The following ABCG8 variants were observed in gnomAD, a reference collection of about 807,000 sequenced individuals.
The protein encoded by ABCG8 is ATP-binding cassette sub-family G member 8.
A neutral mutation model predicts 71.3 loss-of-function variants in ABCG8; 81 were observed. That is an observed-to-expected ratio of 1.14 (90% CI 0.95 to 1.37). The LOEUF is 1.37. Among genes scored for constraint, ABCG8 ranks in the 40% most tolerant of loss-of-function variants. ABCG8 has a pLI of 0.00. For synonymous variants in ABCG8, 451 were observed against 354.7 expected (o/e 1.27, Z -3.05); for missense variants, 1,119 against 866.2 (o/e 1.29, Z -3.66).
intron 11 of ABCG8, among the ~76,000 whole-genome samples, chr2:43,876,491 A>G (rs1669962636): frequency 6.6e-6 from 1 of 151,958 alleles, no homozygotes; most frequent in Non-Finnish European, 1.5e-5. Context: ...GACCATGAGA[A>G]TAGGAGGAGA....
chr2:43,851,192 AGTTAT>A (rs368303279), intron 3 of ABCG8, among the ~76,000 whole-genome samples: 4 of 152,336 alleles, frequency 2.6e-5, no homozygotes, highest in African/African-American at 7.2e-5. Flanking sequence ...AGCCAAAAAT[AGTTAT>A]GTTAACACCA....
chr2:43,857,059 A>G lies in ABCG8; in HGVS notation c.964+4191A>G, dbSNP rs60173388. Reference sequence around the variant, plus strand: ...GATATAACTCTCACTAACTGTCTGGATAGAATTCTCACTATCTGCATAGAA... The same window carrying G: ...GATATAACTCTCACTAACTGTCTGGGTAGAATTCTCACTATCTGCATAGAA... On this transcript the variant is annotated intron_variant, in intron 6 of 12. Transcript: ENST00000272286. 2.0e-5 allele frequency among the ~76,000 whole-genome samples: 3 copies of G among 151,606 alleles called. No individual in the cohort carries two copies. In the East Asian group the frequency reaches 5.8e-4, roughly 29 times the overall value.
intron 7 of ABCG8, 33 bp from the exon 8 acceptor site, chr2:43,872,190 C>T: frequency 6.2e-7 from 1 of 1,613,964 alleles, no homozygotes; most frequent in Non-Finnish European, 8.5e-7. Context: ...AGGTGGCTGC[C>T]CCCATGACCT....
chr2:43,873,645 C>T, intron 8 of ABCG8, 142 bp from the exon 9 acceptor site: 1 of 792,546 alleles, frequency 1.3e-6, no homozygotes, highest in Non-Finnish European at 2.2e-6. Context: ...TGATTTAATC[C>T]TCAGAGCCAC....
intron 6 of ABCG8, among the ~76,000 whole-genome samples, chr2:43,859,776 G>A (rs189482025): frequency 5.0e-5 from 7 of 140,076 alleles, no homozygotes; most frequent in South Asian, 4.7e-4. Flanking sequence ...TAGAATTCTC[G>A]CTTGCTGGAT....
chr2:43,870,116 G>T (rs1435175086), intron 6 of ABCG8, among the ~76,000 whole-genome samples: 1 of 151,396 alleles, frequency 6.6e-6, no homozygotes, highest in Non-Finnish European at 1.5e-5. Flanking sequence ...TCAGTCTCTG[G>T]ATAGAATTCT....
At chr2:43,845,438 C>T (rs1041493497) in intron 2 of ABCG8, among the ~76,000 whole-genome samples, 1 of 152,110 alleles carries the variant, frequency 6.6e-6, no homozygotes, top group African/African-American at 2.4e-5. Context: ...GGATTCTGAG[C>T]ATATCTATGT....
At chr2:43,857,227 T>G (rs1234031672) in intron 6 of ABCG8, among the ~76,000 whole-genome samples, 1 of 150,536 alleles carries the variant, frequency 6.6e-6, no homozygotes, top group East Asian at 2.0e-4. Flanking sequence ...TAACTATCTG[T>G]CTGGATAGAA....
At chr2:43,845,027 T>C (rs568425521) in intron 2 of ABCG8, among the ~76,000 whole-genome samples, 71 of 151,562 alleles carry the variant, frequency 4.7e-4, no homozygotes, top group Non-Finnish European at 6.9e-4. Context: ...AAATGAACAA[T>C]GTACAATGCT....
chr2:43,858,978 C>G (rs1204885146), intron 6 of ABCG8, among the ~76,000 whole-genome samples: 2 of 139,438 alleles, frequency 1.4e-5, no homozygotes, highest in African/African-American at 5.4e-5. Flanking sequence ...AAGTCTCACT[C>G]TCTGTCTGGC....
chr2:43,839,404 T>TTTTTTTTTTTTTTTTTTTTTTTTTTTTC (rs1668485561), intron 1 of ABCG8, among the ~76,000 whole-genome samples: 1 of 2,976 alleles, frequency 3.4e-4, no homozygotes, highest in Non-Finnish European at 5.6e-4. Context: ...TTTTCTTCTC[T>TTTTTTTTTTTTTTTTTTTTTTTTTTTTC]TTTTTTTTTT....
In ABCG8 at chr2:43,844,619, G is replaced by C; in HGVS notation, c.165+11G>C. 1 of 1,600,508 alleles carries C rather than the reference G, an allele frequency of 6.2e-7. No individual in the cohort carries two copies. The highest frequency in any genetic ancestry group is 1.1e-5 in the South Asian group (1 of 90,722). Reference sequence around the variant, plus strand: ...GACCTCAACTACCAGGTAGAGGCACGCCTGGGTTCAAGGGGAGAGGAGCAG... The same window carrying C: ...GACCTCAACTACCAGGTAGAGGCACCCCTGGGTTCAAGGGGAGAGGAGCAG... On this transcript the variant is annotated intron_variant, in intron 2 of 12. Coordinates refer to ENST00000272286, the MANE Select transcript of ABCG8 (RefSeq NM_022437.3).
At chr2:43,874,101 T>G in intron 9 of ABCG8, 115 bp downstream of exon 9, 1 of 1,154,080 alleles carries the variant, frequency 8.7e-7, no homozygotes, top group Non-Finnish European at 1.3e-6. Flanking sequence ...TATAAGACAA[T>G]AATGTTTTTA....
intron 3 of ABCG8, among the ~76,000 whole-genome samples, chr2:43,849,301 T>G (rs767841694): frequency 1.3e-5 from 2 of 152,096 alleles, no homozygotes; most frequent in Middle Eastern, 3.2e-3. Context: ...TCCTCATGGC[T>G]GGGGAGGCCT....
At chr2:43,868,853 A>G (rs1669639295) in intron 6 of ABCG8, among the ~76,000 whole-genome samples, 4 of 150,488 alleles carry the variant, frequency 2.7e-5, no homozygotes, top group Non-Finnish European at 5.9e-5. Flanking sequence ...TAGAACTCTC[A>G]CAATCTTTCA....
At chr2:43,868,099 C>A (rs1044222318) in intron 6 of ABCG8, among the ~76,000 whole-genome samples, 4 of 151,754 alleles carry the variant, frequency 2.6e-5, no homozygotes, top group Admixed American at 2.6e-4. Flanking sequence ...GGATAGATCT[C>A]TCACTGTCTG....
intron 1 of ABCG8, among the ~76,000 whole-genome samples, chr2:43,841,312 T>C (rs200148184): frequency 1.3e-5 from 2 of 152,240 alleles, no homozygotes; most frequent in East Asian, 3.8e-4. Flanking sequence ...TAGCCCAGCA[T>C]GAGCAGAGCT....
chr2:43,839,988 G>T (rs1668518018), intron 1 of ABCG8, among the ~76,000 whole-genome samples: 1 of 152,220 alleles, frequency 6.6e-6, no homozygotes, highest in Non-Finnish European at 1.5e-5. Context: ...TTTTACCTGA[G>T]AAGTGTTTAC....
chr2:43,856,997 C>A (rs1185933056), intron 6 of ABCG8, among the ~76,000 whole-genome samples: 1 of 151,868 alleles, frequency 6.6e-6, no homozygotes, highest in Non-Finnish European at 1.5e-5. Flanking sequence ...CTGGATAGAA[C>A]TCGCACTATC....
Sources: gnomAD v4.1 joint callset for allele counts (sites outside exome capture counted in the v4.1 genomes callset) on GRCh38, gnomAD v4.1.1 for gene constraint, MANE v1.5 for transcripts, NCBI Gene and HGNC (gene_info 2026-07-23, HGNC 2026-07-21) for gene names.